ADSL: variants seen among roughly 807,000 people sequenced by gnomAD.
ADSL encodes adenylosuccinate lyase.
ADSL carries 44 observed loss-of-function variants against 62.1 expected under a neutral mutation model. The ratio of observed to expected loss-of-function variants is 0.71; its 90% confidence interval spans 0.56 to 0.91. The LOEUF (loss-of-function observed/expected upper bound fraction) is 0.91, where lower values mean the gene tolerates loss of function less well. Ranked by LOEUF, ADSL falls within the 40% of genes least tolerant of loss-of-function variation. The pLI, the probability that ADSL is intolerant of heterozygous loss-of-function variation, is 0.00. For missense variants in ADSL, 531 were observed against 627.4 expected (o/e 0.85, Z 1.64); for synonymous variants, 198 against 220.5 (o/e 0.90, Z 0.90).
chr22:40,366,604 G>T lies in ADSL; in HGVS notation c.*82G>T. 1 of 1,016,170 alleles carries T rather than the reference G, an allele frequency of 9.8e-7. No homozygotes were observed. The highest frequency in any genetic ancestry group is 2.5e-5 in the East Asian group (1 of 40,262). The allele number at this position is 1,016,170 out of a possible 1,614,324, so 62.9% of individuals were successfully genotyped here. ...TTACTATAATGCCTTATTTTACCTC[G>T]AGAATTGTTACCTTAAATTAGTACA... On this transcript the variant is annotated 3_prime_UTR_variant, in exon 13 of 13. Coordinates refer to ENST00000623063, the MANE Select transcript of ADSL (RefSeq NM_000026.4).
rs760802935 is a variant in ADSL at position 40,364,252 on chromosome 22, C to G, written c.1102-24C>G. On this transcript the variant is annotated intron_variant, in intron 10 of 12. Transcript: ENST00000623063. ...TTAACCTTGAGGCACCTTTCTTGGT[C>G]ATTCACCGTATCTTTTCCTATAGGT... The G allele has an allele frequency of 3.7e-6, 6 of 1,608,386 alleles. No individual in the cohort carries two copies. The South Asian group carries it at 6.6e-5, about 18-fold the overall frequency.
intron 2 of ADSL, among the ~76,000 whole-genome samples, chr22:40,381,490 G>A (rs1383806708): frequency 1.3e-5 from 2 of 151,960 alleles, no homozygotes; most frequent in Non-Finnish European, 2.9e-5. Flanking sequence ...TTTAGGAACT[G>A]GAAATACAAA....
At chr22:40,362,860 T>C (rs1378525560) in intron 9 of ADSL, 121 bp from the exon 10 acceptor site, 2 of 972,282 alleles carry the variant, frequency 2.1e-6, no homozygotes, top group Non-Finnish European at 3.3e-6. Flanking sequence ...ATTGGGGTAA[T>C]CATAAGATTG....
At chr22:40,360,361 T>G in intron 6 of ADSL, 41 bp from the exon 7 acceptor site, 1 of 1,555,086 alleles carries the variant, frequency 6.4e-7, no homozygotes, top group Non-Finnish European at 8.9e-7. Flanking sequence ...GCAATGGCTT[T>G]AAAATATTTT....
In ADSL at chr22:40,346,711, G is replaced by A. The variant is rs1214023402; in HGVS notation, c.153G>A (p.Gln51=). 2.5e-6 allele frequency: 4 copies of A among 1,603,386 alleles called. No individual in the cohort carries two copies. In the African/African-American group the frequency reaches 5.3e-5, roughly 21 times the overall value. Residue 51 remains glutamine, a splice_region_variant and synonymous_variant, in exon 1 of 13, where the codon CAG becomes CAA. Coordinates refer to ENST00000623063, the MANE Select transcript of ADSL (RefSeq NM_000026.4). ...QLWLWLAEAE[Q]TLGLPITDEQ... ...GGCTGTGGCTGGCGGAGGCCGAGCAGGTAACGGATCCCGGGCTGAGGGGCT... is the reference window on the plus strand; with the variant it reads ...GGCTGTGGCTGGCGGAGGCCGAGCAAGTAACGGATCCCGGGCTGAGGGGCT...
At chr22:40,360,730 T>TC (rs1395693774) in intron 7 of ADSL, among the ~76,000 whole-genome samples, 1 of 151,274 alleles carries the variant, frequency 6.6e-6, no homozygotes, top group Non-Finnish European at 1.5e-5. Flanking sequence ...ATTAATCTTT[T>TC]TTTTTTTTCG....
At chr22:40,387,343 A>T (rs1260632410) in intron 2 of ADSL, 1 of 396,344 alleles carries the variant, frequency 2.5e-6, no homozygotes, top group Non-Finnish European at 4.4e-6. Flanking sequence ...GTATGTTCAT[A>T]TCTGCAAATG....
In ADSL at chr22:40,361,652, C is replaced by T; in HGVS notation, c.1010+17C>T. 1.2e-6 allele frequency: 2 copies of T among 1,611,094 alleles called. No individual in the cohort carries two copies. The highest frequency in any genetic ancestry group is 1.7e-6 in the Non-Finnish European group (2 of 1,179,942). ...TGCCAACCGGTCAGTGGCACAGGGA[C>T]ATCACATACACCAAGTTGAGTGGAG... On this transcript the variant is annotated intron_variant, in intron 9 of 12. Coordinates refer to ENST00000623063, the MANE Select transcript of ADSL (RefSeq NM_000026.4).
intron 4 of ADSL, among the ~76,000 whole-genome samples, chr22:40,357,381 G>A (rs1325803843): frequency 6.6e-6 from 1 of 151,266 alleles, no homozygotes; most frequent in Non-Finnish European, 1.5e-5. Flanking sequence ...AGCTTCCCGA[G>A]TAGCTAGGAT....
chr22:40,364,520 T>G (rs1601597131), intron 11 of ADSL, 155 bp downstream of exon 11: 1 of 748,946 alleles, frequency 1.3e-6, no homozygotes, highest in Non-Finnish European at 2.3e-6. Flanking sequence ...CTATGGAGGG[T>G]GATTTTGGTG....
chr22:40,358,302 C>A (rs760554340), intron 4 of ADSL, among the ~76,000 whole-genome samples: 1 of 152,050 alleles, frequency 6.6e-6, no homozygotes, highest in Non-Finnish European at 1.5e-5. Context: ...TGTCTCTTGC[C>A]GTGCATCACA....
intron 2 of ADSL, among the ~76,000 whole-genome samples, chr22:40,385,954 C>A (rs193124060): frequency 1.3e-5 from 2 of 152,002 alleles, no homozygotes; most frequent in African/African-American, 2.4e-5. Context: ...CGGGCCCAGG[C>A]GATTCTCCTA....
At chr22:40,381,250 C>T (rs1284532356) in intron 2 of ADSL, among the ~76,000 whole-genome samples, 1 of 152,026 alleles carries the variant, frequency 6.6e-6, no homozygotes, top group East Asian at 1.9e-4. Flanking sequence ...AGGGCTCAGG[C>T]AGTCCTCCCA....
intron 10 of ADSL, among the ~76,000 whole-genome samples, 160 bp from the exon 11 acceptor site, chr22:40,364,115 TA>T (rs2044902746): frequency 6.6e-6 from 1 of 151,956 alleles, no homozygotes; most frequent in African/African-American, 2.4e-5. Context: ...TCTGAGTTAG[TA>T]AGAAAACTGA....
chr22:40,383,418 G>C (rs894038965), intron 2 of ADSL, among the ~76,000 whole-genome samples: 1 of 148,352 alleles, frequency 6.7e-6, no homozygotes, highest in African/African-American at 2.5e-5. Flanking sequence ...AGTGAGCCGA[G>C]ATCACGCCAC....
intron 2 of ADSL, among the ~76,000 whole-genome samples, chr22:40,352,834 A>G (rs931186432): frequency 6.6e-5 from 10 of 152,132 alleles, no homozygotes; most frequent in African/African-American, 2.4e-4. Context: ...CTTGGGCTTT[A>G]TAAGTATAAA....
intron 7 of ADSL, among the ~76,000 whole-genome samples, chr22:40,360,743 A>G (rs543238000): frequency 1.8e-4 from 27 of 146,036 alleles, no homozygotes; most frequent in Non-Finnish European, 3.1e-4. Context: ...TTTTTTCGAG[A>G]TGGAGTTTCG....
chr22:40,375,096 A>G (rs2146740758), intron 2 of ADSL, among the ~76,000 whole-genome samples: 1 of 152,322 alleles, frequency 6.6e-6, no homozygotes, highest in Non-Finnish European at 1.5e-5. Context: ...TTCAGTAGGC[A>G]CAGTTAACTA....
chr22:40,362,925 G>T (rs1806266651), intron 9 of ADSL, 56 bp from the exon 10 acceptor site: 12 of 1,482,918 alleles, frequency 8.1e-6, no homozygotes, highest in Non-Finnish European at 1.0e-5. Flanking sequence ...GACACACACT[G>T]CATTTCACTG....
Sources: allele counts gnomAD v4.1 joint callset (sites outside exome capture counted in the v4.1 genomes callset), GRCh38; gene constraint gnomAD v4.1.1; transcripts MANE v1.5; gene names NCBI Gene and HGNC (gene_info 2026-07-23, HGNC 2026-07-21).